OPN5: variants seen among roughly 807,000 people sequenced by gnomAD.
OPN5 encodes the protein opsin-5.
A neutral mutation model predicts 41.7 loss-of-function variants in OPN5; 18 were observed. The observed-to-expected ratio is 0.43, with a 90% confidence interval of 0.30 to 0.64. OPN5 has a LOEUF of 0.64. Among genes scored for constraint, OPN5 ranks in the 30% least tolerant of loss-of-function variants. The pLI is 0.13. For synonymous variants in OPN5, 178 were observed against 164.3 expected, an observed-to-expected ratio of 1.08 and a Z score of -0.64; for missense variants, 318 against 434.5, an observed-to-expected ratio of 0.73 and a Z score of 2.38.
intron 6 of OPN5, among the ~76,000 whole-genome samples, chr6:47,823,118 C>T (rs528386865): frequency 3.3e-5 from 5 of 152,196 alleles, no homozygotes; most frequent in Middle Eastern, 3.4e-3. Flanking sequence ...GTTATGTGGC[C>T]GTGGCCCAGT....
chr6:47,815,307 C>A (rs917998207), intron 6 of OPN5, among the ~76,000 whole-genome samples: 27 of 152,108 alleles, frequency 1.8e-4, no homozygotes, highest in African/African-American at 5.1e-4. Flanking sequence ...CCCACCACTG[C>A]CTTTAATGAC....
chr6:47,808,453 G>A (rs1245796740), intron 5 of OPN5, 58 bp downstream of exon 5: 18 of 1,591,710 alleles, frequency 1.1e-5, no homozygotes, highest in East Asian at 2.2e-5. Flanking sequence ...ATCCGGCAGG[G>A]TTCAAGGTAC....
chr6:47,811,117 G>A (rs1236942563), intron 5 of OPN5, among the ~76,000 whole-genome samples: 2 of 152,174 alleles, frequency 1.3e-5, no homozygotes, highest in Non-Finnish European at 2.9e-5. Flanking sequence ...GCAGTGACAG[G>A]GAAAAGAGGC....
In OPN5 at chr6:47,814,536, A is replaced by G. The variant is rs538835360; in HGVS notation, c.1056+2805A>G. ...TAAGTCCTCCATGCTTTGGTTCTAC[A>G]TTGTTTTGGGTAATAATCTGAGAGC... On this transcript the variant is annotated intron_variant, in intron 6 of 6. Transcript: ENST00000371211. 2.0e-5 allele frequency among the ~76,000 whole-genome samples: 3 copies of G among 152,202 alleles called. No individual in the cohort carries two copies. In the East Asian group the frequency reaches 5.8e-4, roughly 29 times the overall value.
chr6:47,825,692 C>A (rs1762771316), downstream of OPN5: 1 of 152,132 alleles, frequency 6.6e-6, no homozygotes, highest in South Asian at 2.1e-4. Context: ...GCACATCTGG[C>A]AGGAATATGA....
chr6:47,811,442 C>G (rs538782792), intron 5 of OPN5, among the ~76,000 whole-genome samples: 1 of 152,182 alleles, frequency 6.6e-6, no homozygotes, highest in African/African-American at 2.4e-5. Flanking sequence ...TGATGGCATA[C>G]GAAATGTGCT....
At chr6:47,792,941 GC>G in intron 3 of OPN5, among the ~76,000 whole-genome samples, 1 of 150,534 alleles carries the variant, frequency 6.6e-6, no homozygotes, top group East Asian at 2.0e-4. Flanking sequence ...TGGGTGGGAG[GC>G]GGGGGCTTGT....
At chr6:47,816,900 C>A (rs868228769) in intron 6 of OPN5, among the ~76,000 whole-genome samples, 3 of 152,014 alleles carry the variant, frequency 2.0e-5, no homozygotes, top group Non-Finnish European at 4.4e-5. Flanking sequence ...TTATTCCAAG[C>A]GGGTTTTGTA....
chr6:47,808,000 A>G (rs915216607), intron 4 of OPN5, among the ~76,000 whole-genome samples, 154 bp from the exon 5 acceptor site: 1 of 151,878 alleles, frequency 6.6e-6, no homozygotes, highest in African/African-American at 2.4e-5. Flanking sequence ...TCAGAAGTCC[A>G]TATGAAATGA....
intron 3 of OPN5, among the ~76,000 whole-genome samples, chr6:47,793,174 G>T (rs1223099901): frequency 1.3e-5 from 2 of 152,008 alleles, no homozygotes; most frequent in Non-Finnish European, 2.9e-5. Context: ...TTTAACTATA[G>T]ATTTTATAGA....
At chr6:47,790,844 C>T (rs1421001372) in intron 2 of OPN5, among the ~76,000 whole-genome samples, 1 of 152,112 alleles carries the variant, frequency 6.6e-6, no homozygotes, top group East Asian at 1.9e-4. Flanking sequence ...CTTTCCCCTC[C>T]CAAACCCTTT....
rs140281699 is a variant in OPN5, at chr6:47,807,924, G to A, written c.757-230G>A. On this transcript the variant is annotated intron_variant, in intron 4 of 6. Transcript: ENST00000371211. ...TCTTTGGGTACATTCAAATTCTAGA[G>A]TGGATACTAGATAGGATGTGGTAAA... Among the ~76,000 whole-genome samples the A allele has an allele frequency of 3.9e-4, 59 of 150,776 alleles. 1 individual carries two copies. In the East Asian group the frequency reaches 9.9e-3, roughly 25 times the overall value.
At chr6:47,795,904 A>T (rs775197667) in intron 4 of OPN5, among the ~76,000 whole-genome samples, 6 of 152,086 alleles carry the variant, frequency 3.9e-5, no homozygotes, top group Non-Finnish European at 8.8e-5. Flanking sequence ...TCATTATTTC[A>T]GTAATAAGAA....
intron 5 of OPN5, among the ~76,000 whole-genome samples, chr6:47,810,765 T>A (rs1774158848): frequency 6.6e-6 from 1 of 152,324 alleles, no homozygotes; most frequent in East Asian, 1.9e-4. Flanking sequence ...AGGAAACAAA[T>A]GTGGCCAAGA....
chr6:47,791,942 C>T lies in OPN5; in HGVS notation c.391C>T (p.Arg131Ter), dbSNP rs868226938. The T allele has an allele frequency of 2.5e-6, 4 of 1,613,550 alleles. No homozygotes were observed. The highest frequency in any genetic ancestry group is 2.5e-6 in the Non-Finnish European group (3 of 1,179,814). Residue 131 changes from arginine (R) to a stop codon, truncating the protein, a stop_gained, in exon 3 of 7, where the codon CGA becomes TGA. Transcript: ENST00000371211. LOFTEE classifies it high-confidence loss of function. ...CACCATGACTGCTGTCAGCCTGGAT[C>T]GATATTTGAAAATCTGCTATTTATC...
At chr6:47,799,032 G>A (rs1478024100) in intron 4 of OPN5, among the ~76,000 whole-genome samples, 1 of 151,934 alleles carries the variant, frequency 6.6e-6, no homozygotes, top group Non-Finnish European at 1.5e-5. Flanking sequence ...TTATGACTGG[G>A]GCCAGTATTC....
intron 1 of OPN5, among the ~76,000 whole-genome samples, chr6:47,783,921 A>G (rs1239425827): frequency 2.6e-5 from 4 of 152,218 alleles, no homozygotes; most frequent in African/African-American, 9.6e-5. Context: ...TCCAGACAAC[A>G]CAAAACAGAG....
chr6:47,810,426 G>A (rs575912486), intron 5 of OPN5, among the ~76,000 whole-genome samples: 1 of 152,098 alleles, frequency 6.6e-6, no homozygotes, highest in East Asian at 1.9e-4. Flanking sequence ...TTGTTATTAA[G>A]AAGTTATGCA....
rs182047405 is a variant in OPN5, at chr6:47,801,025, A to G, written c.756+5462A>G. 5.5e-4 allele frequency among the ~76,000 whole-genome samples: 84 copies of G among 152,276 alleles called. 1 individual carries two copies. The highest frequency in any genetic ancestry group is 3.7e-3 in the South Asian group (18 of 4,824). On this transcript the variant is annotated intron_variant, in intron 4 of 6. Coordinates refer to ENST00000371211, the Ensembl canonical transcript of OPN5. Reference sequence around the variant, plus strand: ...CTTAGTGTCCCTTATTTATACCAGAAAGCCCTCCTGATTCTCCCTGGTTAA... The same window carrying G: ...CTTAGTGTCCCTTATTTATACCAGAGAGCCCTCCTGATTCTCCCTGGTTAA...
Sources: gnomAD v4.1 joint callset for allele counts (sites outside exome capture counted in the v4.1 genomes callset) on GRCh38, gnomAD v4.1.1 for gene constraint, MANE v1.5 for transcripts, NCBI Gene and HGNC (gene_info 2026-07-23, HGNC 2026-07-21) for gene names.